Variants in UFD1 observed in about 807,000 individuals in gnomAD.
UFD1 encodes the protein ubiquitin recognition factor in ER associated degradation 1, also known as ubiquitin recognition factor in ER-associated degradation protein 1.
Under a neutral mutation model 45.9 loss-of-function variants are expected in UFD1, and 13 were observed. The observed-to-expected ratio is 0.28, with a 90% CI of 0.18 to 0.45. The LOEUF (loss-of-function observed/expected upper bound fraction) is 0.45. Among genes scored for constraint, UFD1 ranks in the 20% least tolerant of loss-of-function variants. The probability of loss-of-function intolerance (pLI) is 1.00; values close to 1 mark genes in which losing one functional copy is unlikely to be tolerated. For synonymous variants in UFD1, 128 were observed against 139.2 expected, an observed-to-expected ratio of 0.92 and a Z score of 0.56; for missense variants, 218 against 389.2, an observed-to-expected ratio of 0.56 and a Z score of 3.70.
intron 5 of UFD1, 71 bp downstream of exon 5, chr22:19,467,802 T>C: frequency 1.3e-6 from 2 of 1,591,466 alleles, no homozygotes; most frequent in Non-Finnish European, 1.7e-6. Context: ...TTCAATACAG[T>C]ACATGATGTT....
chr22:19,468,002 A>C lies in UFD1; in HGVS notation c.293T>G (p.Met98Arg). ...TTCTTCCAAGAGTAAGTTCTGCATC[A>C]TCTGAAAGGAAGAAGAGGCTACATG... ...DEGICYLPHW[M>R]MQNLLLEEGG... Residue 98 changes from methionine (M) to arginine (R), a missense_variant and splice_region_variant, in exon 5 of 12, where the codon ATG becomes AGG. Met to Arg is a moderately conservative substitution (Grantham distance 91, BLOSUM62 -1). This residue lies in a region of UFD1 where 149 missense variants were observed against 307.5 expected (regional missense o/e 0.48). Transcript: ENST00000263202. The C allele has an allele frequency of 6.2e-7, 1 of 1,614,072 alleles. No homozygotes were observed. Among genetic ancestry groups the C allele is most frequent in the Non-Finnish European group, 8.5e-7 (1 of 1,179,964 alleles).
intron 6 of UFD1, among the ~76,000 whole-genome samples, chr22:19,463,403 TA>T (rs2089780624): frequency 6.6e-6 from 1 of 152,256 alleles, no homozygotes; most frequent in Non-Finnish European, 1.5e-5. Flanking sequence ...AATTCCATTT[TA>T]AAAAATATCT....
rs1464339900 is a variant in UFD1, at chr22:19,450,021, A to G, written c.*649T>C. The stretch of plus-strand genomic sequence containing the variant: ...CTAACATTCACATGTTTGCTTCTCC[A>G]TGGAGTTGTTTCACTATGAACAGGT... On this transcript the variant is annotated 3_prime_UTR_variant, in exon 12 of 12. Transcript: ENST00000263202. The G allele has an allele frequency of 6.6e-6, 1 of 152,234 alleles. No individual in the cohort carries two copies. The highest frequency in any genetic ancestry group is 1.5e-5 in the Non-Finnish European group (1 of 68,044). The allele number at this position is 152,234 out of a possible 1,614,324, so 9.4% of individuals were successfully genotyped here.
chr22:19,454,427 T>C (rs954534171), intron 11 of UFD1: 10 of 748,008 alleles, frequency 1.3e-5, no homozygotes, highest in African/African-American at 1.9e-5. Context: ...TCCGTGCTGT[T>C]ATCATGATAG....
chr22:19,459,286 T>C (rs1243237564), intron 6 of UFD1, among the ~76,000 whole-genome samples: 1 of 152,222 alleles, frequency 6.6e-6, no homozygotes, highest in East Asian at 1.9e-4. Flanking sequence ...GTGTCTAAGA[T>C]GACCTCACCT....
At chr22:19,455,465 T>C (rs2089715387) in intron 10 of UFD1, among the ~76,000 whole-genome samples, 1 of 152,000 alleles carries the variant, frequency 6.6e-6, no homozygotes, top group Admixed American at 6.6e-5. Flanking sequence ...TGGAGAGGTA[T>C]GGAGAGAGGC....
chr22:19,476,967 A>T (rs1459035969), intron 1 of UFD1, among the ~76,000 whole-genome samples: 1 of 140,748 alleles, frequency 7.1e-6, no homozygotes, highest in Non-Finnish European at 1.5e-5. Flanking sequence ...AGATCGTGCC[A>T]CTGCACTCCA....
chr22:19,450,850 C>A (rs368428376), intron 11 of UFD1, 106 bp from the exon 12 acceptor site: 8 of 1,583,052 alleles, frequency 5.1e-6, no homozygotes, highest in Non-Finnish European at 6.9e-6. Context: ...TAAGAAATAT[C>A]TCAGGCTGGA....
At chr22:19,475,221 G>A (rs978727009) in intron 2 of UFD1, 121 bp from the exon 3 acceptor site, 1 of 1,117,234 alleles carries the variant, frequency 9.0e-7, no homozygotes, top group Non-Finnish European at 1.3e-6. Flanking sequence ...TAGCCAGAAT[G>A]TCCCAGTGAT....
At chr22:19,456,720 C>T in intron 8 of UFD1, 86 bp from the exon 9 acceptor site, 1 of 1,613,518 alleles carries the variant, frequency 6.2e-7, no homozygotes, top group East Asian at 2.2e-5. Context: ...AGGATGTCCC[C>T]CGGAAGCATG....
intron 4 of UFD1, chr22:19,469,790 G>A (rs922750873): frequency 4.4e-6 from 2 of 451,804 alleles, no homozygotes; most frequent in African/African-American, 4.0e-5. Flanking sequence ...CCAGCTCAGG[G>A]GAAGAGGTGG....
At chr22:19,463,924 G>T (rs1184769247) in intron 6 of UFD1, among the ~76,000 whole-genome samples, 1 of 151,980 alleles carries the variant, frequency 6.6e-6, no homozygotes, top group Non-Finnish European at 1.5e-5. Context: ...CATCAGTTTA[G>T]GAGTTATATG....
At position 19,465,199 on chromosome 22, in the gene UFD1, C is replaced by T; in HGVS notation, c.495+3G>A. The T allele has an allele frequency of 6.2e-7, 1 of 1,614,062 alleles. No homozygotes were observed. The highest frequency in any genetic ancestry group is 8.5e-7 in the Non-Finnish European group (1 of 1,179,944). ...AGGAATGACCTGCATGAACTGGGCTCACCTTTTCATTATAGTTGATGGCAA... is the reference window on the plus strand; with the variant it reads ...AGGAATGACCTGCATGAACTGGGCTTACCTTTTCATTATAGTTGATGGCAA... On this transcript the variant is annotated splice_donor_region_variant and intron_variant, in intron 6 of 11. Coordinates refer to ENST00000263202, the MANE Select transcript of UFD1 (RefSeq NM_005659.7).
rs778720024 is a variant in UFD1 at position 19,450,747 on chromosome 22, A to T, written c.850-3T>A. The T allele has an allele frequency of 1.9e-6, 3 of 1,614,086 alleles. No homozygotes were observed. In the South Asian group the frequency reaches 3.3e-5, roughly 18 times the overall value. On this transcript the variant is annotated splice_polypyrimidine_tract_variant and splice_region_variant and intron_variant, in intron 11 of 11. Coordinates refer to ENST00000263202, the MANE Select transcript of UFD1 (RefSeq NM_005659.7). ...ACGAATCTGCCTCCAGCTTCATCCT[A>T]GGTTTGAAGAGAAGATACTATTTTC...
chr22:19,456,660 G>A, intron 8 of UFD1, 26 bp from the exon 9 acceptor site: 2 of 1,614,130 alleles, frequency 1.2e-6, no homozygotes, highest in Non-Finnish European at 1.7e-6. Context: ...AAAAACAGGT[G>A]AGCTCCTCAG....
intron 4 of UFD1, among the ~76,000 whole-genome samples, chr22:19,470,219 G>A (rs1362150314): frequency 6.6e-6 from 1 of 152,218 alleles, no homozygotes; most frequent in Admixed American, 6.5e-5. Flanking sequence ...AACAGGCCAG[G>A]TTGGGCAGGC....
chr22:19,469,161 TGGCTTTGG>T (rs2089825729), intron 4 of UFD1, among the ~76,000 whole-genome samples: 1 of 152,208 alleles, frequency 6.6e-6, no homozygotes, highest in Non-Finnish European at 1.5e-5. Flanking sequence ...CAGAGGTGAC[TGGCTTTGG>T]TAACGGGGGT....
intron 1 of UFD1, among the ~76,000 whole-genome samples, chr22:19,477,484 A>T (rs1313617474): frequency 6.6e-6 from 1 of 152,228 alleles, no homozygotes; most frequent in Non-Finnish European, 1.5e-5. Flanking sequence ...TACCTAGAGT[A>T]GGCAAATTCA....
Position 19,467,958 on chromosome 22 carries a change from C to T in UFD1, c.337G>A (p.Glu113Lys), listed in dbSNP as rs147963189. ...GTGGCCACTTGAAGGTTGACGCTCTCCACCTGGACCAGGCCGCCTTCTTCC... is the reference window on the plus strand; with the variant it reads ...GTGGCCACTTGAAGGTTGACGCTCTTCACCTGGACCAGGCCGCCTTCTTCC... ...LLEEGGLVQV[E>K]SVNLQVATYS... is the part of the protein sequence containing the mutation. The change falls in exon 5 of 12, where the codon GAG (glutamate) becomes AAG (lysine). Residue 113 changes from glutamate to lysine, a missense_variant. Physicochemically the swap from Glu to Lys is moderately conservative, Grantham distance 56 (BLOSUM62 1). Transcript: ENST00000263202. 6.2e-7 allele frequency: 1 copy of T among 1,614,050 alleles called. No individual in the cohort carries two copies. Among genetic ancestry groups the T allele is most frequent in the Non-Finnish European group, 8.5e-7 (1 of 1,180,048 alleles).
Sources: allele counts gnomAD v4.1 joint callset (sites outside exome capture counted in the v4.1 genomes callset), GRCh38; gene constraint gnomAD v4.1.1; regional missense constraint gnomAD v4.1.1; transcripts MANE v1.5; gene names NCBI Gene and HGNC (gene_info 2026-07-23, HGNC 2026-07-21).